The following RANBP3 variants were observed in gnomAD, a reference collection of about 807,000 sequenced individuals.
RANBP3 encodes RAN binding protein 3.
Under a neutral mutation model 77.3 loss-of-function variants are expected in RANBP3, and 14 were observed. The observed-to-expected ratio is 0.18, with a 90% CI of 0.12 to 0.28. The LOEUF is 0.28. Among genes scored for constraint, RANBP3 ranks in the 10% least tolerant of loss-of-function variants. The probability of loss-of-function intolerance (pLI) is 1.00; values close to 1 mark genes in which losing one functional copy is unlikely to be tolerated. For missense variants in RANBP3, 586 were observed against 752.3 expected, an observed-to-expected ratio of 0.78 and a Z score of 2.59; for synonymous variants, 315 against 312.4, an observed-to-expected ratio of 1.01 and a Z score of -0.09.
chr19:5,926,134 C>A (rs1227307997), intron 9 of RANBP3, among the ~76,000 whole-genome samples: 1 of 152,142 alleles, frequency 6.6e-6, no homozygotes, highest in Non-Finnish European at 1.5e-5. Context: ...CTCTTTCCTA[C>A]CAGCTGCTAT....
chr19:5,945,130 A>G (rs899452486), intron 3 of RANBP3, among the ~76,000 whole-genome samples: 1 of 152,174 alleles, frequency 6.6e-6, no homozygotes, highest in Non-Finnish European at 1.5e-5. Flanking sequence ...TTAGGAAGGA[A>G]CTGGACCTCA....
At chr19:5,935,347 AAAAC>A (rs1327968027) in intron 5 of RANBP3, among the ~76,000 whole-genome samples, 1 of 152,222 alleles carries the variant, frequency 6.6e-6, no homozygotes, top group Non-Finnish European at 1.5e-5. Context: ...TGGTCATAAA[AAAAC>A]AAACTCAGGA....
At chr19:5,943,096 T>C (rs1476211665) in intron 3 of RANBP3, among the ~76,000 whole-genome samples, 2 of 152,228 alleles carry the variant, frequency 1.3e-5, no homozygotes, top group Non-Finnish European at 2.9e-5. Flanking sequence ...ATTTATGTCC[T>C]GTCTCAGAAT....
intron 1 of RANBP3, among the ~76,000 whole-genome samples, chr19:5,964,290 A>ACC (rs1402875327): frequency 2.0e-5 from 3 of 150,776 alleles, no homozygotes; most frequent in African/African-American, 7.3e-5. Flanking sequence ...GATGTTGGGA[A>ACC]CCCCTTAGAC....
intron 2 of RANBP3, among the ~76,000 whole-genome samples, chr19:5,955,163 A>AC (rs1285775557): frequency 1.3e-5 from 2 of 152,048 alleles, no homozygotes; most frequent in African/African-American, 4.8e-5. Context: ...ATGGAGTCTC[A>AC]CTCTGTCGCC....
At chr19:5,978,016 C>A (rs201925504) in intron 1 of RANBP3, 45 bp downstream of exon 1, 1 of 1,607,046 alleles carries the variant, frequency 6.2e-7, no homozygotes, top group Non-Finnish European at 8.5e-7. Context: ...CCTCCCGCCG[C>A]CCGTTCCCCG....
intron 3 of RANBP3, among the ~76,000 whole-genome samples, chr19:5,943,250 C>T (rs1188977628): frequency 4.6e-5 from 7 of 152,208 alleles, no homozygotes; most frequent in Non-Finnish European, 7.3e-5. Context: ...CCTGCCTCGA[C>T]GAGCTGCTGG....
At chr19:5,972,893 G>A (rs989721196) in intron 1 of RANBP3, among the ~76,000 whole-genome samples, 17 of 152,176 alleles carry the variant, frequency 1.1e-4, no homozygotes, top group Non-Finnish European at 2.2e-4. Flanking sequence ...CGAGGGTGCC[G>A]GGAAAATCCC....
At chr19:5,968,024 A>G (rs956259158) in intron 1 of RANBP3, among the ~76,000 whole-genome samples, 1 of 152,186 alleles carries the variant, frequency 6.6e-6, no homozygotes, top group Non-Finnish European at 1.5e-5. Flanking sequence ...CTCCAAAAAA[A>G]AAGAAAAGAA....
At chr19:5,973,833 G>A (rs1323711357) in intron 1 of RANBP3, among the ~76,000 whole-genome samples, 3 of 152,198 alleles carry the variant, frequency 2.0e-5, no homozygotes, top group Admixed American at 1.3e-4. Context: ...CAGCAACCAC[G>A]AGGTGGGTGT....
rs564515884 is a variant in RANBP3 at position 5,952,921 on chromosome 19, T to C, written c.79-1325A>G. 2.0e-5 allele frequency among the ~76,000 whole-genome samples: 3 copies of C among 152,160 alleles called. No individual in the cohort carries two copies. The highest frequency in any genetic ancestry group is 2.9e-5 in the Non-Finnish European group (2 of 68,026). On this transcript the variant is annotated intron_variant, in intron 2 of 16. Coordinates refer to ENST00000340578, the MANE Select transcript of RANBP3 (RefSeq NM_007322.3). This position sits in a 1 kb window ranked among gnomAD's most constrained non-coding sequence, Gnocchi z 4.1. ...TCCAGCCACCCATGTCTGTTGCTAC[T>C]TGATGGTGAGAGACTTAACACCTCA...
chr19:5,939,000 C>G (rs2058100177), intron 5 of RANBP3, among the ~76,000 whole-genome samples: 1 of 152,108 alleles, frequency 6.6e-6, no homozygotes, highest in Admixed American at 6.5e-5. Flanking sequence ...GCCTGGCCAA[C>G]AGGTGAAACC....
At chr19:5,956,371 T>C (rs1397594236) in intron 2 of RANBP3, among the ~76,000 whole-genome samples, 1 of 152,180 alleles carries the variant, frequency 6.6e-6, no homozygotes, top group Non-Finnish European at 1.5e-5. Flanking sequence ...CCTTTCGTAC[T>C]GATGGAACCT....
chr19:5,918,387 A>AGGGGGGGGGGGGGGGGG, intron 15 of RANBP3, 109 bp downstream of exon 15: 13 of 529,916 alleles, frequency 2.5e-5, no homozygotes, highest in East Asian at 5.3e-5. Context: ...AAGCAACTGA[A>AGGGGGGGGGGGGGGGGG]GCCCCTCCCC....
At chr19:5,977,318 G>A (rs1028349033) in intron 1 of RANBP3, among the ~76,000 whole-genome samples, 3 of 152,088 alleles carry the variant, frequency 2.0e-5, no homozygotes, top group African/African-American at 7.2e-5. Flanking sequence ...ATCTGGAAGT[G>A]TAACCTTGTC....
chr19:5,922,498 G>A (rs2057835806), intron 13 of RANBP3, among the ~76,000 whole-genome samples: 1 of 152,226 alleles, frequency 6.6e-6, no homozygotes. Flanking sequence ...ATGCCAGGAG[G>A]GGACGGTGGG....
At chr19:5,933,030 G>A (rs1032727351) in intron 6 of RANBP3, 14 of 260,444 alleles carry the variant, frequency 5.4e-5, no homozygotes, top group African/African-American at 2.7e-4. Context: ...ACTAGCAGCC[G>A]GCTCACTAGC....
At chr19:5,938,470 G>A (rs138419778) in intron 5 of RANBP3, among the ~76,000 whole-genome samples, 2,449 of 152,144 alleles carry the variant, frequency 0.016, 74 homozygotes, top group African/African-American at 0.056. Flanking sequence ...CGGGAAGCTC[G>A]CTTGAGGTCA....
intron 2 of RANBP3, among the ~76,000 whole-genome samples, chr19:5,954,190 A>C (rs1337626187): frequency 1.3e-5 from 2 of 152,186 alleles, no homozygotes; most frequent in South Asian, 4.1e-4. Context: ...GGGATGGTGG[A>C]GACGAAGGGG....
Sources: allele counts gnomAD v4.1 joint callset (sites outside exome capture counted in the v4.1 genomes callset), GRCh38; gene constraint gnomAD v4.1.1; non-coding constraint Gnocchi (gnomAD v3.1); transcripts MANE v1.5; gene names NCBI Gene and HGNC (gene_info 2026-07-23, HGNC 2026-07-21).